The following ARHGAP28 variants were observed in gnomAD, a reference collection of about 807,000 sequenced individuals.
ARHGAP28 encodes the protein rho GTPase-activating protein 28.
ARHGAP28 carries 56 observed loss-of-function variants against 90.7 expected under a neutral mutation model. That is an observed-to-expected ratio of 0.62 (90% CI 0.50 to 0.77). The LOEUF is 0.77. ARHGAP28 is among the 30% of genes least tolerant of loss of function. ARHGAP28 has a pLI of 0.00. For missense variants in ARHGAP28, 869 were observed against 900.9 expected (o/e 0.96, Z 0.45); for synonymous variants, 308 against 323.3 (o/e 0.95, Z 0.51).
intron 1 of ARHGAP28, among the ~76,000 whole-genome samples, chr18:6,819,431 G>A (rs1267380711): frequency 6.6e-6 from 1 of 152,200 alleles, no homozygotes; most frequent in Non-Finnish European, 1.5e-5. Flanking sequence ...GAACTCTTGT[G>A]ACATAAGCAG....
intron 1 of ARHGAP28, among the ~76,000 whole-genome samples, chr18:6,738,595 A>G (rs1416473371): frequency 8.5e-6 from 1 of 117,712 alleles, no homozygotes; most frequent in Non-Finnish European, 1.9e-5. Flanking sequence ...GCTAGAAAAA[A>G]TTCTCAACAT....
intron 1 of ARHGAP28, among the ~76,000 whole-genome samples, chr18:6,737,403 ATTATTAC>A (rs1365873421): frequency 6.6e-6 from 1 of 152,160 alleles, no homozygotes; most frequent in East Asian, 1.9e-4. Flanking sequence ...AAAAATTGAA[ATTATTAC>A]TTATTTCTTC....
chr18:6,763,837 T>C (rs1230499782), intron 1 of ARHGAP28, among the ~76,000 whole-genome samples: 1 of 152,212 alleles, frequency 6.6e-6, no homozygotes, highest in Non-Finnish European at 1.5e-5. Context: ...GGAGAGGGCT[T>C]AAGTGAGCAC....
intron 3 of ARHGAP28, among the ~76,000 whole-genome samples, chr18:6,841,175 T>TCTCTCTCTCTCTCTCTCTCTCTCTCTC (rs2056813180): frequency 2.4e-5 from 2 of 83,438 alleles, no homozygotes; most frequent in African/African-American, 1.2e-4. Context: ...CTCCTCTCTC[T>TCTCTCTCTCTCTCTCTCTCTCTCTCTC]CTCTCCTCTC....
chr18:6,746,959 TA>T (rs2056028410), intron 1 of ARHGAP28, among the ~76,000 whole-genome samples: 1 of 147,666 alleles, frequency 6.8e-6, no homozygotes, highest in Non-Finnish European at 1.5e-5. Flanking sequence ...ACACTTTGTC[TA>T]AGTCTGTTTT....
chr18:6,833,394 C>A (rs1167585704), intron 2 of ARHGAP28, among the ~76,000 whole-genome samples: 1 of 151,966 alleles, frequency 6.6e-6, no homozygotes, highest in African/African-American at 2.4e-5. Flanking sequence ...AGTTTAGAAT[C>A]ACTTGTTATA....
chr18:6,807,752 G>T (rs1161720327), intron 1 of ARHGAP28, among the ~76,000 whole-genome samples: 1 of 152,146 alleles, frequency 6.6e-6, no homozygotes, highest in East Asian at 1.9e-4. Flanking sequence ...GCTTGACGGG[G>T]CTCCTCTGAG....
At chr18:6,754,076 G>T (rs771593802) in intron 1 of ARHGAP28, among the ~76,000 whole-genome samples, 8 of 152,172 alleles carry the variant, frequency 5.3e-5, no homozygotes, top group African/African-American at 1.9e-4. Flanking sequence ...GAAATAACAA[G>T]GTAGCAGGTA....
intron 1 of ARHGAP28, among the ~76,000 whole-genome samples, chr18:6,807,167 T>C (rs1194435715): frequency 6.6e-6 from 1 of 152,186 alleles, no homozygotes; most frequent in African/African-American, 2.4e-5. Flanking sequence ...TGTTAGGGTG[T>C]TTAGAAAATT....
chr18:6,873,630 A>G (rs2057107173), intron 8 of ARHGAP28, 54 bp from the exon 9 acceptor site: 2 of 1,608,386 alleles, frequency 1.2e-6, no homozygotes, highest in East Asian at 2.2e-5. Context: ...GTGGAATAAG[A>G]TAATGCTTTT....
chr18:6,877,446 C>T (rs1330887677), intron 10 of ARHGAP28, among the ~76,000 whole-genome samples: 1 of 152,318 alleles, frequency 6.6e-6, no homozygotes, highest in South Asian at 2.1e-4. Context: ...CTCACCCCGT[C>T]GTGGGCTGGG....
chr18:6,806,272 C>G (rs2056518587), intron 1 of ARHGAP28, among the ~76,000 whole-genome samples: 2 of 151,930 alleles, frequency 1.3e-5, no homozygotes, highest in African/African-American at 4.8e-5. Context: ...CTTAACATCT[C>G]TTTGTTGTGT....
intron 1 of ARHGAP28, among the ~76,000 whole-genome samples, chr18:6,745,762 G>T (rs889617054): frequency 2.6e-5 from 4 of 152,154 alleles, no homozygotes; most frequent in African/African-American, 9.7e-5. Context: ...GGTTTCTGAG[G>T]TTCACACACA....
chr18:6,867,012 T>G (rs2057042820), intron 5 of ARHGAP28, among the ~76,000 whole-genome samples: 1 of 152,246 alleles, frequency 6.6e-6, no homozygotes, highest in African/African-American at 2.4e-5. Flanking sequence ...TTCCGTATTG[T>G]TACTTGTAGA....
rs5822929 is a variant in ARHGAP28 at position 6,893,867 on chromosome 18, G to GTTTTTTTTT, written c.1849-959_1849-951dup. 1.5e-5 allele frequency among the ~76,000 whole-genome samples: 2 copies of GTTTTTTTTT among 130,818 alleles called. 1 individual carries two copies. The highest frequency in any genetic ancestry group is 3.1e-5 in the Non-Finnish European group (2 of 63,882). 85.8% of individuals were successfully genotyped at this position (130,818 alleles called of 152,430 possible). On this transcript the variant is annotated intron_variant, in intron 14 of 17. Coordinates refer to ENST00000383472, the MANE Select transcript of ARHGAP28 (RefSeq NM_001366230.1). ...TACTATTGTACTATATTGCTTTTTG[G>GTTTTTTTTT]TTTTTTTTTTTTTTTTTGAGATAGA... is the stretch of plus-strand genomic sequence containing the variant.
At chr18:6,900,028 T>C (rs1311122990) in intron 16 of ARHGAP28, among the ~76,000 whole-genome samples, 2 of 152,096 alleles carry the variant, frequency 1.3e-5, no homozygotes, top group Non-Finnish European at 2.9e-5. Context: ...TGTTAGCTTC[T>C]GTTTTCCCCC....
intron 1 of ARHGAP28, among the ~76,000 whole-genome samples, chr18:6,821,316 T>C (rs2056625332): frequency 6.6e-6 from 1 of 152,222 alleles, no homozygotes; most frequent in Non-Finnish European, 1.5e-5. Flanking sequence ...CACTTGAAAT[T>C]TAATTTTAAA....
chr18:6,831,471 G>GTTTTTTTTTTTTTTTTTTTTTTT (rs57331018), intron 2 of ARHGAP28, among the ~76,000 whole-genome samples: 10 of 109,304 alleles, frequency 9.1e-5, no homozygotes, highest in African/African-American at 1.7e-4. Context: ...GTATCTTGAT[G>GTTTTTTTTTTTTTTTTTTTTTTT]TTTTTTTTTT....
intron 3 of ARHGAP28, among the ~76,000 whole-genome samples, chr18:6,839,643 C>A (rs1415418118): frequency 1.3e-5 from 2 of 152,094 alleles, no homozygotes; most frequent in Admixed American, 6.6e-5. Flanking sequence ...AAGTCAGCCT[C>A]CCCCTTCACT....
Sources: gnomAD v4.1 joint callset for allele counts (sites outside exome capture counted in the v4.1 genomes callset) on GRCh38, gnomAD v4.1.1 for gene constraint, MANE v1.5 for transcripts, NCBI Gene and HGNC (gene_info 2026-07-23, HGNC 2026-07-21) for gene names.